The following PRG2 variants were observed in gnomAD, a reference collection of about 807,000 sequenced individuals.
The protein encoded by PRG2 is proteoglycan 2, pro eosinophil major basic protein.
PRG2 carries 23 observed loss-of-function variants against 24.7 expected under a neutral mutation model. The ratio of observed to expected loss-of-function variants is 0.93; its 90% CI spans 0.67 to 1.32. The LOEUF (loss-of-function observed/expected upper bound fraction) is 1.32, where lower values mean the gene tolerates loss of function less well. PRG2 is among the 40% of genes most tolerant of loss of function. PRG2 has a pLI of 0.00. For missense variants in PRG2, 271 were observed against 280.9 expected (o/e 0.96, Z 0.25); for synonymous variants, 104 against 99.8 (o/e 1.04, Z -0.25).
At chr11:57,388,524 G>A in intron 4 of PRG2, 53 bp downstream of exon 4, 2 of 1,604,768 alleles carry the variant, frequency 1.2e-6, no homozygotes, top group East Asian at 2.2e-5. Context: ...TGCAAGCTGA[G>A]TGCTGGCTGA....
Position 57,387,410 on chromosome 11 carries a change from G to T in PRG2, c.*65C>A. The stretch of plus-strand genomic sequence containing the variant: ...TTGCAGGGAGGTGGAGGGAGGGATG[G>T]CAAGCAGAGGAGGGGAGGCAGCTGC... On this transcript the variant is annotated 3_prime_UTR_variant, in exon 6 of 6. Transcript: ENST00000311862. 1 of 1,397,974 alleles carries T rather than the reference G, an allele frequency of 7.2e-7. No homozygotes were observed. Among genetic ancestry groups the T allele is most frequent in the Non-Finnish European group, 9.9e-7 (1 of 1,005,430 alleles). The allele number at this position is 1,397,974 out of a possible 1,614,324, so 86.6% of individuals were successfully genotyped here.
In PRG2 at chr11:57,386,968, A is replaced by G. The variant is rs1381327729; in HGVS notation, c.*507T>C. ...GGGCCGGGGATTGCGGTACTTATAC[A>G]TTCATTCCTGAATGTTGTGGACTGT... On this transcript the variant is annotated 3_prime_UTR_variant, in exon 6 of 6. Coordinates refer to ENST00000311862, the MANE Select transcript of PRG2 (RefSeq NM_002728.6). 3 of 152,388 alleles carry G rather than the reference A, an allele frequency of 2.0e-5. No individual in the cohort carries two copies. The highest frequency in any genetic ancestry group is 4.4e-5 in the Non-Finnish European group (3 of 68,194). The allele number at this position is 152,388 out of a possible 1,614,324, so 9.4% of individuals were successfully genotyped here.
intron 3 of PRG2, 135 bp from the exon 4 acceptor site, chr11:57,388,843 T>C: frequency 7.0e-7 from 1 of 1,431,064 alleles, no homozygotes; most frequent in South Asian, 1.4e-5. Flanking sequence ...ATGCAACTTC[T>C]GTTTGTAGGT....
At chr11:57,387,960 G>T in intron 4 of PRG2, 95 bp from the exon 5 acceptor site, 1 of 858,222 alleles carries the variant, frequency 1.2e-6, no homozygotes, top group Non-Finnish European at 1.8e-6. Context: ...GCTGCCCACC[G>T]GGCAATGGGC....
In PRG2 at chr11:57,389,053, C is replaced by A. The variant is rs146040085; in HGVS notation, c.323G>T (p.Arg108Leu). The A allele has an allele frequency of 2.8e-5, 45 of 1,614,052 alleles. No individual in the cohort carries two copies. Among genetic ancestry groups the A allele is most frequent in the Non-Finnish European group, 3.7e-5 (44 of 1,180,034 alleles). ...VVGIPGCQTCRYLLVRSLQTF... is the reference protein window; with the variant it reads ...VVGIPGCQTCLYLLVRSLQTF... ...CTGAAGACTTCTCACCAGGAGGTAG[C>A]GGCAGGTCTGGCACCCAGGGATGCC... is the stretch of plus-strand genomic sequence containing the variant. Residue 108 changes from arginine to leucine, a missense_variant, in exon 3 of 6, where the codon CGC (arginine) becomes CTC (leucine). Arg to Leu is a moderately radical substitution (Grantham distance 102). Coordinates refer to ENST00000311862, the MANE Select transcript of PRG2 (RefSeq NM_002728.6).
In PRG2 at chr11:57,388,680, T is replaced by C; in HGVS notation, c.395A>G (p.Asn132Ser). ...WFTCRRCYRG[N>S]LVSIHNFNIN... The stretch of plus-strand genomic sequence containing the variant: ...ATTGAAGTTGTGGATGGAAACCAGG[T>C]TGCCCCTGTAGCACCTCCGGCAAGT... The change falls in exon 4 of 6, where the codon AAC becomes AGC. Residue 132 changes from asparagine to serine, a missense_variant. Coordinates refer to ENST00000311862, the MANE Select transcript of PRG2 (RefSeq NM_002728.6). 1 of 1,614,068 alleles carries C rather than the reference T, an allele frequency of 6.2e-7. No individual in the cohort carries two copies. The highest frequency in any genetic ancestry group is 2.2e-5 in the East Asian group (1 of 44,886).
rs490358 is a variant in PRG2, at chr11:57,389,932, A to G, written c.13T>C (p.Leu5=). The change falls in exon 2 of 6, where the codon TTA becomes CTA. Residue 5 remains leucine (L), a synonymous_variant. Transcript: ENST00000311862. ...GCCCCAAATAGAAGAGCCAGAAGTA[A>G]GGGGAGTTTCATCTTGGCTTTATCC... MKLP[L]LLALLFGAVS... 0.74 allele frequency: 1,186,643 copies of G among 1,610,788 alleles called. 438,591 individuals carry two copies. Among genetic ancestry groups the G allele is most frequent in the Admixed American group, 0.86 (51,625 of 59,736 alleles).
At position 57,388,998 on chromosome 11, in the gene PRG2, T is replaced by C. The variant is rs1590657729; in HGVS notation, c.366+12A>G. ...CATGCTCCCACCTCAGCCTCAGCCA[T>C]AGGCCACTCACCCAAGCTTGACTAA... On this transcript the variant is annotated intron_variant, in intron 3 of 5. Coordinates refer to ENST00000311862, the MANE Select transcript of PRG2 (RefSeq NM_002728.6). The C allele has an allele frequency of 6.2e-7, 1 of 1,611,192 alleles. No homozygotes were observed. The highest frequency in any genetic ancestry group is 1.1e-5 in the South Asian group (1 of 90,762).
At chr11:57,388,758 T>G in intron 3 of PRG2, 50 bp from the exon 4 acceptor site, 1 of 1,602,634 alleles carries the variant, frequency 6.2e-7, no homozygotes, top group Non-Finnish European at 8.5e-7. Flanking sequence ...CCTACATGAA[T>G]TCACATGGGT....
In PRG2 at chr11:57,387,395, G is replaced by T. The variant is rs144365065; in HGVS notation, c.*80C>A. 289 of 1,246,406 alleles carry T rather than the reference G, an allele frequency of 2.3e-4. 2 individuals carry two copies. The African/African-American group carries it at 3.5e-3, about 15-fold the overall frequency. 77.2% of individuals were successfully genotyped at this position (1,246,406 alleles called of 1,614,324 possible). A position where few individuals can be genotyped will look rare whatever the true frequency, so the allele number is the denominator to read the frequency against. ...GTAAAACCCATTTTATTGCAGGGAG[G>T]TGGAGGGAGGGATGGCAAGCAGAGG... is the stretch of plus-strand genomic sequence containing the variant. On this transcript the variant is annotated 3_prime_UTR_variant, in exon 6 of 6. Coordinates refer to ENST00000311862, the MANE Select transcript of PRG2 (RefSeq NM_002728.6).
chr11:57,387,376 C>T lies in PRG2; in HGVS notation c.*99G>A, dbSNP rs1048503374. 7.6e-6 allele frequency: 8 copies of T among 1,050,520 alleles called. No homozygotes were observed. The African/African-American group carries it at 1.1e-4, about 15-fold the overall frequency. The allele number at this position is 1,050,520 out of a possible 1,614,324, so 65.1% of individuals were successfully genotyped here. Reference sequence around the variant, plus strand: ...AGAAAATAAATCCATTTCAGTAAAACCCATTTTATTGCAGGGAGGTGGAGG... The same window carrying T: ...AGAAAATAAATCCATTTCAGTAAAATCCATTTTATTGCAGGGAGGTGGAGG... On this transcript the variant is annotated 3_prime_UTR_variant, in exon 6 of 6. Coordinates refer to ENST00000311862, the MANE Select transcript of PRG2 (RefSeq NM_002728.6).
In PRG2 at chr11:57,389,025, C is replaced by T. The variant is rs150350556; in HGVS notation, c.351G>A (p.Thr117=). Residue 117 remains threonine (T), a synonymous_variant, in exon 3 of 6, where the codon ACG becomes ACA. Coordinates refer to ENST00000311862, the MANE Select transcript of PRG2 (RefSeq NM_002728.6). The part of the protein sequence containing the change: ...CRYLLVRSLQ[T]FSQAWFTCRR... ...GGCCACTCACCCAAGCTTGACTAAA[C>T]GTCTGAAGACTTCTCACCAGGAGGT... 1.9e-4 allele frequency: 313 copies of T among 1,613,882 alleles called. 2 individuals are homozygous for T. Among genetic ancestry groups the T allele is most frequent in the South Asian group, 9.7e-4 (88 of 91,060 alleles).
At position 57,387,278 on chromosome 11, in the gene PRG2, G is replaced by C; in HGVS notation, c.*197C>G. On this transcript the variant is annotated 3_prime_UTR_variant, in exon 6 of 6. Coordinates refer to ENST00000311862, the MANE Select transcript of PRG2 (RefSeq NM_002728.6). ...AGTAGCTTCTGACACTTCTATGAAAGTTGTGGTGTGGGGAGAGATGATAAG... is the reference window on the plus strand; with the variant it reads ...AGTAGCTTCTGACACTTCTATGAAACTTGTGGTGTGGGGAGAGATGATAAG... 1.9e-6 allele frequency: 1 copy of C among 534,944 alleles called. No individual in the cohort carries two copies. Among genetic ancestry groups the C allele is most frequent in the Non-Finnish European group, 3.3e-6 (1 of 303,750 alleles). The allele number at this position is 534,944 out of a possible 1,614,324, so 33.1% of individuals were successfully genotyped here. A position where few individuals can be genotyped will look rare whatever the true frequency, so the allele number is the denominator to read the frequency against.
Position 57,388,561 on chromosome 11 carries a change from T to C in PRG2, c.498+16A>G, listed in dbSNP as rs1161422362. On this transcript the variant is annotated intron_variant, in intron 4 of 5. Coordinates refer to ENST00000311862, the MANE Select transcript of PRG2 (RefSeq NM_002728.6). ...ATCAGCAGGTGCACCCCATTTAGTGTTCACACTTCTCTTACCGAGCCTGTG... is the reference window on the plus strand; with the variant it reads ...ATCAGCAGGTGCACCCCATTTAGTGCTCACACTTCTCTTACCGAGCCTGTG... 3.7e-6 allele frequency: 6 copies of C among 1,613,498 alleles called. No homozygotes were observed. In the African/African-American group the frequency reaches 6.7e-5, roughly 18 times the overall value.
chr11:57,389,819 C>T, intron 2 of PRG2, 68 bp downstream of exon 2: 2 of 1,419,604 alleles, frequency 1.4e-6, no homozygotes, highest in African/African-American at 2.9e-5. Flanking sequence ...GGGTGTGTAA[C>T]TCTGACCCCA....
chr11:57,388,749 C>G (rs781192668), intron 3 of PRG2, 41 bp from the exon 4 acceptor site: 1 of 1,606,848 alleles, frequency 6.2e-7, no homozygotes, highest in Non-Finnish European at 8.5e-7. Flanking sequence ...AGCATCCTTC[C>G]TACATGAATT....
In PRG2 at chr11:57,388,633, A is replaced by G. The variant is rs769591668; in HGVS notation, c.442T>C (p.Ser148Pro). 26 of 1,614,040 alleles carry G rather than the reference A, an allele frequency of 1.6e-5. No individual in the cohort carries two copies. Among genetic ancestry groups the G allele is most frequent in the African/African-American group, 8.0e-5 (6 of 75,026 alleles). Residue 148 changes from serine (S) to proline (P), a missense_variant, in exon 4 of 6, where the codon TCT (serine) becomes CCT (proline). Transcript: ENST00000311862. ...TGACCCTGGTTGAGCGCGCTGACAG[A>G]ACACTGGATTCGATAATTAATATTG... ...NFNINYRIQC[S>P]VSALNQGQVW...
chr11:57,387,663 C>G lies in PRG2; in HGVS notation c.610+91G>C, dbSNP rs534621653. ...TATAAAAGACCCAGGAAGCCTCTCC[C>G]ACAAAGGGTCAGGCTCTTTGTAGCA... On this transcript the variant is annotated intron_variant, in intron 5 of 5. Transcript: ENST00000311862. 182 of 1,379,578 alleles carry G rather than the reference C, an allele frequency of 1.3e-4. 1 individual carries two copies. The South Asian group carries it at 2.4e-3, about 18-fold the overall frequency. The allele number at this position is 1,379,578 out of a possible 1,614,324, so 85.5% of individuals were successfully genotyped here.
intron 3 of PRG2, 29 bp from the exon 4 acceptor site, chr11:57,388,737 G>C: frequency 6.2e-7 from 1 of 1,610,712 alleles, no homozygotes. Context: ...GACAAAGAAT[G>C]GAGCATCCTT....
Sources: gnomAD v4.1 joint callset for allele counts on GRCh38, gnomAD v4.1.1 for gene constraint, MANE v1.5 for transcripts, NCBI Gene and HGNC (gene_info 2026-07-23, HGNC 2026-07-21) for gene names.